The following EPS15 variants were observed in gnomAD, a reference collection of about 807,000 sequenced individuals.
The protein encoded by EPS15 is epidermal growth factor receptor substrate 15.
EPS15 carries 72 observed loss-of-function variants against 113.8 expected under a neutral mutation model. The observed-to-expected ratio is 0.63, with a 90% CI of 0.52 to 0.77. The LOEUF (loss-of-function observed/expected upper bound fraction) is 0.77, where lower values mean the gene tolerates loss of function less well. Ranked by LOEUF, EPS15 falls within the 30% of genes least tolerant of loss-of-function variation. The pLI, the probability that EPS15 is intolerant of heterozygous loss-of-function variation, is 0.00. For missense variants in EPS15, 1,048 were observed against 1,045.8 expected (o/e 1.00, Z -0.03); for synonymous variants, 344 against 363.4 (o/e 0.95, Z 0.61).
chr1:51,473,714 A>G (rs1053181275), intron 2 of EPS15, among the ~76,000 whole-genome samples: 8 of 152,220 alleles, frequency 5.3e-5, no homozygotes, highest in African/African-American at 1.7e-4. Flanking sequence ...GTAACAGGAT[A>G]ATAGTATATT....
chr1:51,508,342 A>AAGAGAGAAAGAG (rs1553139587), intron 1 of EPS15, among the ~76,000 whole-genome samples: 5 of 102,830 alleles, frequency 4.9e-5, no homozygotes, highest in African/African-American at 8.9e-5. Context: ...GAAAGAGAGA[A>AAGAGAGAAAGAG]AGAAAGAAAG....
chr1:51,482,560 A>G (rs1349100686), intron 1 of EPS15, among the ~76,000 whole-genome samples: 2 of 152,052 alleles, frequency 1.3e-5, no homozygotes, highest in East Asian at 1.9e-4. Context: ...TCCGCCTCCC[A>G]GGTTCAAGTG....
chr1:51,367,369 CA>C (rs1469827942), intron 21 of EPS15, among the ~76,000 whole-genome samples: 5 of 151,948 alleles, frequency 3.3e-5, no homozygotes, highest in Non-Finnish European at 7.4e-5. Flanking sequence ...CTGGCCAACA[CA>C]GCGAAACCCT....
rs963529853 is a variant in EPS15 at position 51,356,369 on chromosome 1, T to C, written c.*331A>G. 11 of 281,168 alleles carry C rather than the reference T, an allele frequency of 3.9e-5. No individual in the cohort carries two copies. Among genetic ancestry groups the C allele is most frequent in the African/African-American group, 1.5e-4 (7 of 45,866 alleles). 17.4% of individuals were successfully genotyped at this position (281,168 alleles called of 1,614,324 possible). A position where few individuals can be genotyped will look rare whatever the true frequency, so the allele number is the denominator to read the frequency against. On this transcript the variant is annotated 3_prime_UTR_variant, in exon 25 of 25. Coordinates refer to ENST00000371733, the MANE Select transcript of EPS15 (RefSeq NM_001981.3). ...AACAGGGTAGTGCAGGGTGAAACTA[T>C]TTCTCTATATTCCAGAAGGCAGAAG...
chr1:51,519,199 C>A lies in EPS15; in HGVS notation c.33G>T (p.Gln11His). 1 of 1,435,792 alleles carries A rather than the reference C, an allele frequency of 7.0e-7. No homozygotes were observed. Among genetic ancestry groups the A allele is most frequent in the Non-Finnish European group, 9.2e-7 (1 of 1,084,454 alleles). The allele number at this position is 1,435,792 out of a possible 1,614,324, so 88.9% of individuals were successfully genotyped here. A position where few individuals can be genotyped will look rare whatever the true frequency, so the allele number is the denominator to read the frequency against. Reference protein sequence around the residue: MAAAAQLSLTQLSSGNPVYEK... With the variant: MAAAAQLSLTHLSSGNPVYEK... ...CCGGCGGACGGGCGTGTGGCGTTAC[C>A]TGTGTCAGAGAGAGCTGGGCCGCCG... is the stretch of plus-strand genomic sequence containing the variant. The change falls in exon 1 of 25, where the codon CAG (glutamine) becomes CAT (histidine). Residue 11 changes from glutamine (Q) to histidine (H), a missense_variant and splice_region_variant. Gln to His is a conservative substitution (Grantham distance 24). Coordinates refer to ENST00000371733, the MANE Select transcript of EPS15 (RefSeq NM_001981.3).
chr1:51,416,491 A>C (rs1265837845), intron 13 of EPS15, among the ~76,000 whole-genome samples: 4 of 152,208 alleles, frequency 2.6e-5, no homozygotes, highest in African/African-American at 9.6e-5. Flanking sequence ...CTAGAAATTA[A>C]AGGATATTTG....
At chr1:51,390,517 A>C (rs1441673008) in intron 21 of EPS15, among the ~76,000 whole-genome samples, 1 of 151,972 alleles carries the variant, frequency 6.6e-6, no homozygotes, top group Non-Finnish European at 1.5e-5. Flanking sequence ...CTACCATCAG[A>C]GTGAACAGGC....
chr1:51,438,138 A>G (rs865917178), intron 12 of EPS15, among the ~76,000 whole-genome samples: 3 of 152,196 alleles, frequency 2.0e-5, no homozygotes, highest in African/African-American at 7.2e-5. Flanking sequence ...GACAGATTAT[A>G]TAAGTTTGCC....
rs1159817322 is a variant in EPS15 at position 51,405,899 on chromosome 1, A to C, written c.1677+6T>G. 5.6e-6 allele frequency: 9 copies of C among 1,611,294 alleles called. No homozygotes were observed. The highest frequency in any genetic ancestry group is 6.8e-6 in the Non-Finnish European group (8 of 1,178,068). On this transcript the variant is annotated splice_donor_region_variant and intron_variant, in intron 16 of 24. Transcript: ENST00000371733. ...ATTATGAAGGTTATGAAAGTATTAG[A>C]CTCACTGGAGATTCCTGGTGTATGG...
At chr1:51,421,899 C>G (rs1650791706) in intron 12 of EPS15, 41 bp from the exon 13 acceptor site, 1 of 1,608,872 alleles carries the variant, frequency 6.2e-7, no homozygotes, top group Non-Finnish European at 8.5e-7. Context: ...TTTAGAACAT[C>G]AGCTACAGCT....
chr1:51,356,353 G>GT lies in EPS15; in HGVS notation c.*346dup, dbSNP rs1426272943. 3.7e-6 allele frequency: 1 copy of GT among 270,406 alleles called. No homozygotes were observed. The highest frequency in any genetic ancestry group is 5.0e-5 in the Admixed American group (1 of 19,818). The allele number at this position is 270,406 out of a possible 1,614,324, so 16.8% of individuals were successfully genotyped here. A position where few individuals can be genotyped will look rare whatever the true frequency, so the allele number is the denominator to read the frequency against. On this transcript the variant is annotated 3_prime_UTR_variant, in exon 25 of 25. Transcript: ENST00000371733. ...ATCAGAATAACTACAGAACAGGGTA[G>GT]TGCAGGGTGAAACTATTTCTCTATA...
rs1646202762 is a variant in EPS15 at position 51,355,701 on chromosome 1, A to T, written c.*999T>A. The T allele has an allele frequency of 5.3e-6, 1 of 187,014 alleles. No homozygotes were observed. The highest frequency in any genetic ancestry group is 2.4e-5 in the African/African-American group (1 of 41,384). 11.6% of individuals were successfully genotyped at this position (187,014 alleles called of 1,614,324 possible). ...GTGAAAGTTTTTACATTTCAAGTAA[A>T]TGAGCCTTCATTAAAAAAAAAAAAA... On this transcript the variant is annotated 3_prime_UTR_variant, in exon 25 of 25. Transcript: ENST00000371733.
At chr1:51,469,536 AGCCTTT>A (rs1241128515) in intron 4 of EPS15, among the ~76,000 whole-genome samples, 1 of 152,204 alleles carries the variant, frequency 6.6e-6, no homozygotes, top group Admixed American at 6.5e-5. Flanking sequence ...TGATAACAAA[AGCCTTT>A]ACTCCAGCTA....
At chr1:51,418,142 T>C (rs1017791664) in intron 13 of EPS15, among the ~76,000 whole-genome samples, 4 of 152,182 alleles carry the variant, frequency 2.6e-5, no homozygotes, top group Non-Finnish European at 5.9e-5. Flanking sequence ...GATTTTCAAA[T>C]GATAAACACC....
chr1:51,456,096 G>T (rs755534076), intron 8 of EPS15, among the ~76,000 whole-genome samples: 4 of 152,108 alleles, frequency 2.6e-5, no homozygotes, highest in Admixed American at 1.3e-4. Flanking sequence ...AGTTATACAG[G>T]TTAGAATCTT....
intron 1 of EPS15, among the ~76,000 whole-genome samples, chr1:51,485,910 G>A (rs1299630760): frequency 6.6e-6 from 1 of 151,988 alleles, no homozygotes; most frequent in Non-Finnish European, 1.5e-5. Context: ...CGATTCTCAT[G>A]CCTCAGCCTC....
At position 51,355,779 on chromosome 1, in the gene EPS15, C is replaced by T. The variant is rs1258760821; in HGVS notation, c.*921G>A. On this transcript the variant is annotated 3_prime_UTR_variant, in exon 25 of 25. Coordinates refer to ENST00000371733, the MANE Select transcript of EPS15 (RefSeq NM_001981.3). ...TTCCAGTTCTAGCTTGCTGAAGTTT[C>T]TTCTGCAAAAGTACAAAAATTAACC... 1 of 193,080 alleles carries T rather than the reference C, an allele frequency of 5.2e-6. No homozygotes were observed. The highest frequency in any genetic ancestry group is 2.3e-5 in the African/African-American group (1 of 42,752). 12.0% of individuals were successfully genotyped at this position (193,080 alleles called of 1,614,324 possible).
At chr1:51,471,801 T>G (rs983240273) in intron 3 of EPS15, 64 bp from the exon 4 acceptor site, 2 of 1,170,246 alleles carry the variant, frequency 1.7e-6, no homozygotes, top group Non-Finnish European at 2.6e-6. Flanking sequence ...AATGATAAAT[T>G]AAATCTCTGC....
Position 51,447,124 on chromosome 1 carries a change from A to AG in EPS15, c.652-20_652-19insC. On this transcript the variant is annotated intron_variant, in intron 9 of 24. Transcript: ENST00000371733. The stretch of plus-strand genomic sequence containing the variant: ...CAACCCACTACAGGGAGGAAAAAAA[A>AG]CAGTATTTCTGCCAAAATGAAACAA... 1.3e-6 allele frequency: 2 copies of AG among 1,578,500 alleles called. No individual in the cohort carries two copies. The highest frequency in any genetic ancestry group is 1.7e-6 in the Non-Finnish European group (2 of 1,168,724).
Sources: gnomAD v4.1 joint callset for allele counts (sites outside exome capture counted in the v4.1 genomes callset) on GRCh38, gnomAD v4.1.1 for gene constraint, MANE v1.5 for transcripts, NCBI Gene and HGNC (gene_info 2026-07-23, HGNC 2026-07-21) for gene names.